BAZ2B: variants seen among roughly 807,000 people sequenced by gnomAD.
The protein encoded by BAZ2B is bromodomain adjacent to zinc finger domain protein 2B.
A neutral mutation model predicts 246.0 loss-of-function variants in BAZ2B; 91 were observed. The observed-to-expected ratio is 0.37, with a 90% confidence interval of 0.31 to 0.44. BAZ2B has a LOEUF of 0.44. BAZ2B is among the 20% of genes least tolerant of loss of function. The pLI is 1.00. For missense variants in BAZ2B, 2,332 were observed against 2,533.7 expected, an observed-to-expected ratio of 0.92 and a Z score of 1.71; for synonymous variants, 855 against 860.0, an observed-to-expected ratio of 0.99 and a Z score of 0.10.
intron 18 of BAZ2B, among the ~76,000 whole-genome samples, 164 bp from the exon 19 acceptor site, chr2:159,397,553 T>G (rs2064223713): frequency 6.6e-6 from 1 of 152,200 alleles, no homozygotes; most frequent in African/African-American, 2.4e-5. Context: ...TCAATTCGAT[T>G]TTGTATGCTT....
intron 32 of BAZ2B, 108 bp downstream of exon 32, chr2:159,337,459 T>C: frequency 6.2e-7 from 1 of 1,602,134 alleles, no homozygotes; most frequent in South Asian, 1.1e-5. Context: ...CTCAATAACC[T>C]ACCCGTCACC....
chr2:159,406,817 T>C (rs184161348), intron 14 of BAZ2B, among the ~76,000 whole-genome samples: 65 of 152,046 alleles, frequency 4.3e-4, no homozygotes, highest in South Asian at 6.2e-4. Context: ...TGCAGTGGCG[T>C]GATCTCGGCT....
At chr2:159,389,203 C>A (rs937080153) in intron 21 of BAZ2B, 142 bp downstream of exon 21, 9 of 849,328 alleles carry the variant, frequency 1.1e-5, no homozygotes, top group Admixed American at 3.1e-5. Flanking sequence ...CTAGGAAAGG[C>A]AAATTGACCT....
chr2:159,660,849 C>T, the BAZ2B span, among the ~76,000 whole-genome samples: 4 of 152,122 alleles, frequency 2.6e-5, no homozygotes, highest in South Asian at 2.1e-4. Flanking sequence ...CCACCCACCT[C>T]GGCCTCCCAA....
At chr2:159,544,443 T>C (rs1165660189) in intron 2 of BAZ2B, among the ~76,000 whole-genome samples, 2 of 152,192 alleles carry the variant, frequency 1.3e-5, no homozygotes, top group Non-Finnish European at 1.5e-5. Context: ...TATTTCTACC[T>C]TGAGCGGCTA....
intron 28 of BAZ2B, 117 bp from the exon 29 acceptor site, chr2:159,349,397 T>A (rs552946247): frequency 1.8e-6 from 2 of 1,122,534 alleles, no homozygotes; most frequent in South Asian, 1.8e-5. Flanking sequence ...TTTATTACAA[T>A]TACAGGAAAA....
intron 1 of BAZ2B, among the ~76,000 whole-genome samples, chr2:159,582,875 T>C (rs954401127): frequency 1.3e-5 from 2 of 152,174 alleles, no homozygotes; most frequent in African/African-American, 4.8e-5. Context: ...TAATAATCAA[T>C]AGTTAAGTAA....
chr2:159,315,593 A>T (rs1353145158), downstream of BAZ2B, among the ~76,000 whole-genome samples: 1 of 152,230 alleles, frequency 6.6e-6, no homozygotes, highest in East Asian at 1.9e-4. Context: ...GCCGAGAACA[A>T]GTAATCCAAG....
chr2:159,614,295 CAA>C (rs1695369066), intron 1 of BAZ2B, among the ~76,000 whole-genome samples: 1 of 151,782 alleles, frequency 6.6e-6, no homozygotes, highest in South Asian at 2.1e-4. Flanking sequence ...TAATGGCTGA[CAA>C]AGAGTTTATA....
intron 27 of BAZ2B, among the ~76,000 whole-genome samples, chr2:159,351,207 A>G (rs1470140554): frequency 6.6e-6 from 1 of 152,194 alleles, no homozygotes; most frequent in Non-Finnish European, 1.5e-5. Flanking sequence ...CCACATAATT[A>G]AGGAAAGAAA....
chr2:159,334,653 G>A (rs756879576), intron 33 of BAZ2B, among the ~76,000 whole-genome samples: 44 of 152,190 alleles, frequency 2.9e-4, no homozygotes, highest in Non-Finnish European at 5.1e-4. Flanking sequence ...AATGAAGATT[G>A]TGAGAGATGG....
intron 12 of BAZ2B, 57 bp from the exon 13 acceptor site, chr2:159,428,099 A>C (rs1465594030): frequency 1.0e-5 from 15 of 1,478,332 alleles, no homozygotes; most frequent in Non-Finnish European, 1.4e-5. Context: ...CCCAGCTTTG[A>C]TGTATAGCTA....
At chr2:159,536,282 A>AT in intron 2 of BAZ2B, 2 of 152,306 alleles carry the variant, frequency 1.3e-5, no homozygotes, top group South Asian at 4.1e-4. Context: ...GTGGAGAAAA[A>AT]AACAAAGAAA....
At chr2:159,428,088 A>G (rs1402846649) in intron 12 of BAZ2B, 46 bp from the exon 13 acceptor site, 1 of 1,553,662 alleles carries the variant, frequency 6.4e-7, no homozygotes. Flanking sequence ...AATAATTACA[A>G]CCCAGCTTTG....
At chr2:159,340,534 T>C (rs1453284014) in intron 31 of BAZ2B, among the ~76,000 whole-genome samples, 1 of 151,922 alleles carries the variant, frequency 6.6e-6, no homozygotes. Context: ...GCATTAACAG[T>C]GTCAAGTCAC....
chr2:159,590,187 CAAAAAAAAAAAAAAAAAAAAAAAAAA>C (rs552786270), intron 1 of BAZ2B, among the ~76,000 whole-genome samples: 6 of 20,310 alleles, frequency 3.0e-4, no homozygotes, highest in East Asian at 2.8e-3. Flanking sequence ...GACTCCATCT[CAAAAAAAAAAAAAAAAAAAAAAAAAA>C]AAAAAAAAAA....
chr2:159,513,602 A>T (rs749671019), intron 2 of BAZ2B, among the ~76,000 whole-genome samples: 2 of 152,040 alleles, frequency 1.3e-5, no homozygotes, highest in African/African-American at 2.4e-5. Context: ...AAACCCTTAA[A>T]ATCATCTTTT....
Position 159,592,464 on chromosome 2 carries a change from A to T in BAZ2B, c.-46+23778T>A, listed in dbSNP as rs1689621667. On this transcript the variant is annotated intron_variant, in intron 1 of 36. Coordinates refer to ENST00000392783, the MANE Select transcript of BAZ2B (RefSeq NM_013450.4). ...CACGTGGCCCAATATCATGACTTTA[A>T]CAGATCTTTTAAACTGCTTGTTCTT... Among the ~76,000 whole-genome samples, 3 of 152,346 alleles carry T rather than the reference A, an allele frequency of 2.0e-5. 1 individual carries two copies. In the South Asian group the frequency reaches 6.2e-4, roughly 32 times the overall value.
the BAZ2B span, among the ~76,000 whole-genome samples, chr2:159,680,214 G>C: frequency 6.6e-6 from 1 of 152,090 alleles, no homozygotes; most frequent in Non-Finnish European, 1.5e-5. Flanking sequence ...GGAAAGCAAG[G>C]ACAAAGAGGA....
Sources: gnomAD v4.1 joint callset for allele counts (sites outside exome capture counted in the v4.1 genomes callset) on GRCh38, gnomAD v4.1.1 for gene constraint, MANE v1.5 for transcripts, NCBI Gene and HGNC (gene_info 2026-07-23, HGNC 2026-07-21) for gene names.